Variants in MACROD2 observed in about 807,000 individuals in gnomAD.
MACROD2 encodes the protein ADP-ribose glycohydrolase MACROD2.
MACROD2 carries 36 observed loss-of-function variants against 70.4 expected under a neutral mutation model. The ratio of observed to expected loss-of-function variants is 0.51; its 90% CI spans 0.39 to 0.68. The LOEUF (loss-of-function observed/expected upper bound fraction) is 0.68. Among genes scored for constraint, MACROD2 ranks in the 30% least tolerant of loss-of-function variants. MACROD2 has a pLI of 0.00. For missense variants in MACROD2, 496 were observed against 538.4 expected (o/e 0.92, Z 0.78); for synonymous variants, 172 against 178.8 (o/e 0.96, Z 0.30).
intron 6 of MACROD2, among the ~76,000 whole-genome samples, chr20:15,304,381 T>C (rs2077676032): frequency 6.6e-6 from 1 of 152,196 alleles, no homozygotes; most frequent in Non-Finnish European, 1.5e-5. Context: ...GGTCAACATT[T>C]ACCAATCAGG....
intron 6 of MACROD2, among the ~76,000 whole-genome samples, chr20:15,401,020 C>T (rs778042160): frequency 3.0e-4 from 46 of 151,550 alleles, no homozygotes; most frequent in Non-Finnish European, 5.6e-4. Context: ...ACTCAGGTAA[C>T]GGATCTGAAG....
At chr20:14,855,612 T>G (rs2073246786) in intron 5 of MACROD2, among the ~76,000 whole-genome samples, 4 of 147,384 alleles carry the variant, frequency 2.7e-5, no homozygotes, top group Admixed American at 2.0e-4. Flanking sequence ...TTTTTTTTTT[T>G]TTTTTTTTTT....
intron 3 of MACROD2, among the ~76,000 whole-genome samples, chr20:14,151,899 G>A (rs1004894071): frequency 4.6e-5 from 6 of 130,010 alleles, no homozygotes; most frequent in African/African-American, 1.8e-4. Context: ...TCGGCTCACT[G>A]CAAGCTCTGC....
intron 8 of MACROD2, among the ~76,000 whole-genome samples, chr20:15,606,563 A>T (rs2048896423): frequency 6.6e-6 from 1 of 152,200 alleles, no homozygotes; most frequent in Non-Finnish European, 1.5e-5. Flanking sequence ...CCAACGCACT[A>T]ATTTTAATGT....
At chr20:15,567,338 G>A (rs1232680077) in intron 8 of MACROD2, among the ~76,000 whole-genome samples, 1 of 152,180 alleles carries the variant, frequency 6.6e-6, no homozygotes, top group Non-Finnish European at 1.5e-5. Context: ...CTCAGCTGAT[G>A]TAGATATCTG....
At chr20:14,386,190 TA>T (rs2083466376) in intron 3 of MACROD2, among the ~76,000 whole-genome samples, 1 of 152,188 alleles carries the variant, frequency 6.6e-6, no homozygotes, top group South Asian at 2.1e-4. Flanking sequence ...AACATATTTT[TA>T]GGAAGTGGTG....
At chr20:15,720,514 C>T (rs1250974905) in intron 8 of MACROD2, among the ~76,000 whole-genome samples, 1 of 152,150 alleles carries the variant, frequency 6.6e-6, no homozygotes, top group African/African-American at 2.4e-5. Flanking sequence ...TAGAACCAAC[C>T]GCTGCATCTT....
chr20:15,970,962 A>T (rs1174187703), intron 13 of MACROD2, among the ~76,000 whole-genome samples: 1 of 152,188 alleles, frequency 6.6e-6, no homozygotes, highest in African/African-American at 2.4e-5. Flanking sequence ...AAAGGATCAG[A>T]ATATTTCTGA....
intron 5 of MACROD2, among the ~76,000 whole-genome samples, chr20:14,874,492 G>A (rs2122438633): frequency 2.0e-5 from 3 of 150,866 alleles, no homozygotes; most frequent in Admixed American, 2.0e-4. Flanking sequence ...AAACTTTATA[G>A]GTCATCATTG....
At chr20:15,735,892 C>T (rs2051013219) in intron 8 of MACROD2, among the ~76,000 whole-genome samples, 1 of 152,108 alleles carries the variant, frequency 6.6e-6, no homozygotes, top group Admixed American at 6.5e-5. Context: ...AAGGAATACC[C>T]CAAATTCACA....
chr20:15,058,232 T>G (rs1431386446), intron 5 of MACROD2, among the ~76,000 whole-genome samples: 1 of 152,124 alleles, frequency 6.6e-6, no homozygotes, highest in Non-Finnish European at 1.5e-5. Flanking sequence ...GGGGGACAGA[T>G]GTAGAAAAGT....
rs545745599 is a variant in MACROD2 at position 14,785,836 on chromosome 20, A to G, written c.418+100877A>G. Among the ~76,000 whole-genome samples, 14 of 152,080 alleles carry G rather than the reference A, an allele frequency of 9.2e-5. No homozygotes were observed. The South Asian group carries it at 2.9e-3, about 32-fold the overall frequency. Reference sequence around the variant, plus strand: ...TGTCTTCCATCTTCAGTGTTGCCTCATGGTCACAGATGACTTGCTGGAGCA... The same window carrying G: ...TGTCTTCCATCTTCAGTGTTGCCTCGTGGTCACAGATGACTTGCTGGAGCA... On this transcript the variant is annotated intron_variant, in intron 5 of 17. Coordinates refer to ENST00000684519, the MANE Select transcript of MACROD2 (RefSeq NM_001351661.2).
intron 5 of MACROD2, among the ~76,000 whole-genome samples, chr20:15,210,717 T>G (rs2076756059): frequency 6.6e-6 from 1 of 152,140 alleles, no homozygotes; most frequent in African/African-American, 2.4e-5. Context: ...CTTCCTGTGA[T>G]AGTGAGTTCT....
chr20:13,996,677 A>G (rs1040382240), intron 1 of MACROD2, among the ~76,000 whole-genome samples: 1 of 152,112 alleles, frequency 6.6e-6, no homozygotes, highest in African/African-American at 2.4e-5. Flanking sequence ...CGCTTATCCC[A>G]TCACAGTTTG....
At chr20:15,483,307 G>C (rs2047123603) in intron 7 of MACROD2, among the ~76,000 whole-genome samples, 1 of 152,140 alleles carries the variant, frequency 6.6e-6, no homozygotes, top group African/African-American at 2.4e-5. Context: ...CCAGTTTGTT[G>C]AAAAGACTTG....
intron 3 of MACROD2, among the ~76,000 whole-genome samples, chr20:14,351,738 T>C (rs1032831379): frequency 1.3e-5 from 2 of 152,210 alleles, no homozygotes; most frequent in South Asian, 4.1e-4. Context: ...TTCTTTCTCT[T>C]GTCTTACTGC....
intron 8 of MACROD2, among the ~76,000 whole-genome samples, chr20:15,720,599 G>A (rs1480170970): frequency 1.3e-5 from 2 of 152,074 alleles, no homozygotes; most frequent in African/African-American, 4.8e-5. Context: ...TAGTGTTTCG[G>A]TTATGGGTTT....
intron 12 of MACROD2, among the ~76,000 whole-genome samples, chr20:15,955,366 T>C (rs1568665633): frequency 6.6e-6 from 1 of 152,162 alleles, no homozygotes; most frequent in Admixed American, 6.6e-5. Context: ...CCATTGGGTA[T>C]TGTTCAGGTG....
chr20:14,275,636 CT>C (rs1210180631), intron 3 of MACROD2, among the ~76,000 whole-genome samples: 1 of 151,956 alleles, frequency 6.6e-6, no homozygotes, highest in Non-Finnish European at 1.5e-5. Flanking sequence ...CAAATGGGAT[CT>C]AATTAAACTA....
Sources: allele counts gnomAD v4.1 joint callset (sites outside exome capture counted in the v4.1 genomes callset), GRCh38; gene constraint gnomAD v4.1.1; transcripts MANE v1.5; gene names NCBI Gene and HGNC (gene_info 2026-07-23, HGNC 2026-07-21).